Variants in PXK observed in about 807,000 individuals in gnomAD.
The protein encoded by PXK is PX domain-containing protein kinase-like protein.
PXK carries 35 observed loss-of-function variants against 84.7 expected under a neutral mutation model. That is an observed-to-expected ratio of 0.41 (90% CI 0.32 to 0.55). The LOEUF is 0.55. PXK is among the 20% of genes least tolerant of loss of function. The pLI is 0.21. For missense variants in PXK, 634 were observed against 699.7 expected, an observed-to-expected ratio of 0.91 and a Z score of 1.06; for synonymous variants, 253 against 260.8, an observed-to-expected ratio of 0.97 and a Z score of 0.29.
At chr3:58,336,912 C>T (rs903277610) in intron 1 of PXK, among the ~76,000 whole-genome samples, 9 of 152,208 alleles carry the variant, frequency 5.9e-5, no homozygotes, top group African/African-American at 2.2e-4. Context: ...CAGGTTCAAG[C>T]GATTCTTCTG....
chr3:58,380,221 T>C (rs2098484707), intron 3 of PXK, among the ~76,000 whole-genome samples: 1 of 151,904 alleles, frequency 6.6e-6, no homozygotes, highest in Non-Finnish European at 1.5e-5. Context: ...ACTGAGGTCA[T>C]AGAGAAGATC....
chr3:58,336,820 T>G (rs1362309176), intron 1 of PXK, among the ~76,000 whole-genome samples: 3 of 152,042 alleles, frequency 2.0e-5, no homozygotes, highest in South Asian at 2.1e-4. Flanking sequence ...CTCCTTTTTT[T>G]GGGGGGTGGG....
chr3:58,409,105 A>G lies in PXK; in HGVS notation c.1308+104A>G. The G allele has an allele frequency of 1.1e-6, 1 of 876,100 alleles. No homozygotes were observed. The highest frequency in any genetic ancestry group is 1.8e-6 in the Non-Finnish European group (1 of 555,012). The allele number at this position is 876,100 out of a possible 1,614,324, so 54.3% of individuals were successfully genotyped here. ...TGTTCCCTCTGCAAATATTTTAAGC[A>G]TACTTACTCTCAGCCAGCCTTTAGG... On this transcript the variant is annotated intron_variant, in intron 14 of 17. Coordinates refer to ENST00000356151, the MANE Select transcript of PXK (RefSeq NM_017771.5). The surrounding 1 kb of genome is among the most constrained non-coding windows in gnomAD (Gnocchi z 4.2).
rs2062054041 is a variant in PXK at position 58,422,533 on chromosome 3, C to T, written c.1529-2219C>T. The T allele has an allele frequency of 7.1e-6, 7 of 985,276 alleles. No individual in the cohort carries two copies. In the South Asian group the frequency reaches 1.4e-4, roughly 20 times the overall value. 61.0% of individuals were successfully genotyped at this position (985,276 alleles called of 1,614,324 possible). ...GACACCACCTACATTTTCAAAGAGA[C>T]TCATTTAAAGTGACAGTGGAAAATC... On this transcript the variant is annotated intron_variant, in intron 17 of 17. Transcript: ENST00000356151.
intron 1 of PXK, among the ~76,000 whole-genome samples, chr3:58,341,362 G>C (rs977162240): frequency 1.3e-5 from 2 of 152,118 alleles, no homozygotes; most frequent in Non-Finnish European, 2.9e-5. Context: ...AGGAGGTTGA[G>C]ACTAGCCTGG....
intron 1 of PXK, among the ~76,000 whole-genome samples, chr3:58,351,462 T>C (rs1002114019): frequency 6.6e-6 from 1 of 151,552 alleles, no homozygotes; most frequent in African/African-American, 2.4e-5. Flanking sequence ...GGTTTCACCA[T>C]GTTGCCCAGG....
At chr3:58,402,253 C>T (rs1242319629) in intron 12 of PXK, among the ~76,000 whole-genome samples, 1 of 136,452 alleles carries the variant, frequency 7.3e-6, no homozygotes, top group Non-Finnish European at 1.6e-5. Flanking sequence ...CCTCGCACTC[C>T]CCCTCCCCCT....
chr3:58,340,306 C>T (rs1325842058), intron 1 of PXK, among the ~76,000 whole-genome samples: 4 of 150,154 alleles, frequency 2.7e-5, no homozygotes, highest in Admixed American at 6.6e-5. Flanking sequence ...AATTTTCTGT[C>T]GAGACAGGGC....
In PXK at chr3:58,401,528, A is replaced by G. The variant is rs1317030402; in HGVS notation, c.1181+2151A>G. Among the ~76,000 whole-genome samples the G allele has an allele frequency of 1.3e-5, 2 of 152,156 alleles. No homozygotes were observed. The highest frequency in any genetic ancestry group is 4.8e-5 in the African/African-American group (2 of 41,424). Reference sequence around the variant, plus strand: ...ATAATCCCAGCTACTTGGAAGGCTGAGGTGGTAGAATCGCTTGAGCCTAGG... The same window carrying G: ...ATAATCCCAGCTACTTGGAAGGCTGGGGTGGTAGAATCGCTTGAGCCTAGG... On this transcript the variant is annotated intron_variant, in intron 12 of 17. Transcript: ENST00000356151. The surrounding 1 kb of genome is among the most constrained non-coding windows in gnomAD (Gnocchi z 4.4).
At position 58,399,352 on chromosome 3, in the gene PXK, A is replaced by G. The variant is rs748314171; in HGVS notation, c.1156A>G (p.Thr386Ala). 68 of 1,613,898 alleles carry G rather than the reference A, an allele frequency of 4.2e-5. No individual in the cohort carries two copies. The highest frequency in any genetic ancestry group is 5.3e-5 in the Non-Finnish European group (62 of 1,179,882). ...SCEACKNGMP[T>A]ISRLLQMPLF... ...TGAAGCCTGTAAAAATGGCATGCCT[A>G]CCATCTCCCGGCTCTTACAGATGCC... is the stretch of plus-strand genomic sequence containing the variant. The change falls in exon 12 of 18, where the codon ACC (threonine) becomes GCC (alanine). Residue 386 changes from threonine (T) to alanine (A), a missense_variant. Coordinates refer to ENST00000356151, the MANE Select transcript of PXK (RefSeq NM_017771.5). This position sits in a 1 kb window ranked among gnomAD's most constrained non-coding sequence, Gnocchi z 4.3.
At position 58,424,779 on chromosome 3, in the gene PXK, C is replaced by A. The variant is rs1265591069; in HGVS notation, c.1556C>A (p.Pro519Gln). ...ATATCTGCATTACCTCCACCTCCTCCACCTCCACCACCACCAGCAGCTCCC... is the reference window on the plus strand; with the variant it reads ...ATATCTGCATTACCTCCACCTCCTCAACCTCCACCACCACCAGCAGCTCCC... Reference protein sequence around the residue: ...SGISALPPPPPPPPPPAAPLP... With the variant: ...SGISALPPPPQPPPPPAAPLP... Residue 519 changes from proline (P) to glutamine (Q), a missense_variant, in exon 18 of 18, where the codon CCA (proline) becomes CAA (glutamine). This residue lies in a region of PXK where 273 missense variants were observed against 283.6 expected (regional missense o/e 0.96). Transcript: ENST00000356151. 6.2e-7 allele frequency: 1 copy of A among 1,613,958 alleles called. No individual in the cohort carries two copies. Among genetic ancestry groups the A allele is most frequent in the African/African-American group, 1.3e-5 (1 of 74,920 alleles).
At chr3:58,388,603 T>C (rs1347004024) in intron 4 of PXK, among the ~76,000 whole-genome samples, 1 of 152,236 alleles carries the variant, frequency 6.6e-6, no homozygotes, top group Non-Finnish European at 1.5e-5. Context: ...ATCTTCCAGA[T>C]GGTTTGTCAC....
chr3:58,384,335 C>G (rs1346320265), intron 4 of PXK, among the ~76,000 whole-genome samples: 2 of 152,186 alleles, frequency 1.3e-5, no homozygotes, highest in Non-Finnish European at 2.9e-5. Context: ...GATGTACCTG[C>G]CATTTCCTAA....
chr3:58,402,855 A>G (rs1043551980), intron 12 of PXK, among the ~76,000 whole-genome samples: 11 of 151,830 alleles, frequency 7.2e-5, no homozygotes, highest in Admixed American at 2.0e-4. Context: ...AAAGTTTGCT[A>G]CATAGGTAAA....
intron 3 of PXK, among the ~76,000 whole-genome samples, chr3:58,373,227 C>T (rs565633843): frequency 1.3e-4 from 19 of 151,894 alleles, no homozygotes; most frequent in African/African-American, 3.1e-4. Flanking sequence ...ACAAGGCGCC[C>T]GCCACCATGC....
chr3:58,354,531 C>A (rs1312900031), intron 1 of PXK, among the ~76,000 whole-genome samples: 1 of 151,436 alleles, frequency 6.6e-6, no homozygotes, highest in Non-Finnish European at 1.5e-5. Flanking sequence ...ACTGCAACCT[C>A]CACCTCCTAG....
chr3:58,397,108 G>A lies in PXK; in HGVS notation c.892G>A (p.Gly298Arg), dbSNP rs1576533827. ...TCACGCCTCCAATGTGATGCTCGAT[G>A]GGGACACTTGCCGGCTGCTGGACCT... ...HLHASNVMLD[G>R]DTCRLLDLEN... is the part of the protein sequence containing the mutation. Residue 298 changes from glycine to arginine, a missense_variant, in exon 10 of 18, where the codon GGG (glycine) becomes AGG (arginine). This residue lies in a region of PXK where 353 missense variants were observed against 385.2 expected (regional missense o/e 0.92). Transcript: ENST00000356151. This position sits in a 1 kb window ranked among gnomAD's most constrained non-coding sequence, Gnocchi z 4.7. The A allele has an allele frequency of 1.2e-6, 2 of 1,614,160 alleles. No homozygotes were observed. Among genetic ancestry groups the A allele is most frequent in the Non-Finnish European group, 1.7e-6 (2 of 1,179,994 alleles).
chr3:58,405,199 G>C (rs1230743527), intron 13 of PXK, among the ~76,000 whole-genome samples: 2 of 152,170 alleles, frequency 1.3e-5, no homozygotes, highest in African/African-American at 4.8e-5. Flanking sequence ...ATGGAAGTAG[G>C]TGGGAGACTT....
intron 1 of PXK, among the ~76,000 whole-genome samples, chr3:58,340,859 T>A (rs1298405510): frequency 6.6e-6 from 1 of 152,080 alleles, no homozygotes; most frequent in African/African-American, 2.4e-5. Flanking sequence ...AGGAAATGAA[T>A]CTCCTTTATG....
Sources: allele counts gnomAD v4.1 joint callset (sites outside exome capture counted in the v4.1 genomes callset), GRCh38; gene constraint gnomAD v4.1.1; regional missense constraint gnomAD v4.1.1; non-coding constraint Gnocchi (gnomAD v3.1); transcripts MANE v1.5; gene names NCBI Gene and HGNC (gene_info 2026-07-23, HGNC 2026-07-21).